The following OR56A3 variants were observed in gnomAD, a reference collection of about 807,000 sequenced individuals.
OR56A3 encodes the protein olfactory receptor family 56 subfamily A member 3, also known as olfactory receptor 56A3.
OR56A3 carries 23 observed loss-of-function variants against 17.5 expected under a neutral mutation model. That is an observed-to-expected ratio of 1.32 (90% confidence interval 0.95 to 1.87). OR56A3 has a LOEUF of 1.87. Among genes scored for constraint, OR56A3 ranks in the 40% most tolerant of loss-of-function variants. The pLI, the probability that OR56A3 is intolerant of heterozygous loss-of-function variation, is 0.00. For missense variants in OR56A3, 366 were observed against 380.1 expected, an observed-to-expected ratio of 0.96 and a Z score of 0.31; for synonymous variants, 175 against 150.6, an observed-to-expected ratio of 1.16 and a Z score of -1.19.
intron 1 of OR56A3, among the ~76,000 whole-genome samples, chr11:5,944,419 CT>C (rs1473667724): frequency 2.0e-5 from 3 of 152,186 alleles, no homozygotes; most frequent in African/African-American, 7.2e-5. Flanking sequence ...AATCTCCAGA[CT>C]GCTGAAAAAC....
chr11:6,008,625 A>G, the OR56A3 span, among the ~76,000 whole-genome samples: 6 of 151,924 alleles, frequency 3.9e-5, no homozygotes, highest in Non-Finnish European at 8.8e-5. Flanking sequence ...CAATTTCCTC[A>G]TCTGAAATAT....
chr11:6,018,323 T>C, the OR56A3 span, among the ~76,000 whole-genome samples: 1 of 152,096 alleles, frequency 6.6e-6, no homozygotes, highest in Non-Finnish European at 1.5e-5. Flanking sequence ...CAAAATAGAA[T>C]ATGTATTGGG....
At chr11:5,961,334 GA>G in the OR56A3 span, among the ~76,000 whole-genome samples, 1 of 152,262 alleles carries the variant, frequency 6.6e-6, no homozygotes, top group African/African-American at 2.4e-5. Flanking sequence ...AAAGGAAGGA[GA>G]GATCAGATTG....
chr11:5,961,608 T>C, the OR56A3 span, among the ~76,000 whole-genome samples: 1 of 152,104 alleles, frequency 6.6e-6, no homozygotes, highest in Non-Finnish European at 1.5e-5. Flanking sequence ...ACACAAACAC[T>C]GAGGAAGGCG....
chr11:5,955,721 T>G (rs1277728818), downstream of OR56A3, among the ~76,000 whole-genome samples: 1 of 152,228 alleles, frequency 6.6e-6, no homozygotes. Context: ...AGATGTACCG[T>G]AGTTCTTGAA....
the OR56A3 span, among the ~76,000 whole-genome samples, chr11:5,982,131 T>G: frequency 6.6e-6 from 1 of 152,172 alleles, no homozygotes; most frequent in East Asian, 1.9e-4. Context: ...AGTCCTCACT[T>G]ACACGTGTGT....
chr11:5,968,466 G>A, the OR56A3 span: 2 of 1,561,156 alleles, frequency 1.3e-6, no homozygotes, highest in Non-Finnish European at 1.7e-6. Context: ...AAAGACTGGG[G>A]AAGTGGAGTT....
the OR56A3 span, among the ~76,000 whole-genome samples, chr11:6,011,695 C>T: frequency 6.6e-6 from 1 of 152,138 alleles, no homozygotes; most frequent in Non-Finnish European, 1.5e-5. Context: ...TCGTTCTGTC[C>T]ATTTGGCCTG....
the OR56A3 span, chr11:5,986,446 A>T: frequency 6.2e-7 from 1 of 1,613,978 alleles, no homozygotes; most frequent in East Asian, 2.2e-5. Context: ...CACCATTCCG[A>T]TGCGCCCTAT....
chr11:6,002,324 A>T, the OR56A3 span: 1 of 1,614,054 alleles, frequency 6.2e-7, no homozygotes, highest in Non-Finnish European at 8.5e-7. Context: ...CTTTCAATAT[A>T]AAAGAATAGG....
the OR56A3 span, among the ~76,000 whole-genome samples, chr11:5,956,955 A>C: frequency 1.3e-5 from 2 of 152,174 alleles, no homozygotes; most frequent in African/African-American, 4.8e-5. Context: ...CAGGAGTTCG[A>C]GACCAGCCTG....
the OR56A3 span, among the ~76,000 whole-genome samples, chr11:5,981,045 G>A: frequency 6.6e-6 from 1 of 152,114 alleles, no homozygotes; most frequent in Non-Finnish European, 1.5e-5. Flanking sequence ...TTAATCTGAT[G>A]GGCTTCCTTT....
chr11:5,998,080 C>T, the OR56A3 span, among the ~76,000 whole-genome samples: 1 of 152,116 alleles, frequency 6.6e-6, no homozygotes, highest in Non-Finnish European at 1.5e-5. Context: ...CTCTGTCTCA[C>T]CTCACAAGTC....
In OR56A3 at chr11:5,947,680, C is replaced by T. The variant is rs1217492014; in HGVS notation, c.334C>T (p.Leu112=). Reference sequence around the variant, plus strand: ...CCAGATGTACATCATGAATTGTTTCCTAGCCATGGAGTCTTGCACATTCAT... The same window carrying T: ...CCAGATGTACATCATGAATTGTTTCTTAGCCATGGAGTCTTGCACATTCAT... The part of the protein sequence containing the change: ...FLQMYIMNCF[L]AMESCTFMVM... Residue 112 remains leucine (L), a synonymous_variant, in exon 3 of 3, where the codon CTA becomes TTA. Coordinates refer to ENST00000641160, the MANE Select transcript of OR56A3 (RefSeq NM_001003443.3). The T allele has an allele frequency of 3.1e-6, 5 of 1,614,188 alleles. No individual in the cohort carries two copies. The Admixed American group carries it at 8.3e-5, about 27-fold the overall frequency.
At chr11:5,951,751 T>C (rs1327148873), downstream of OR56A3, among the ~76,000 whole-genome samples, 1 of 152,190 alleles carries the variant, frequency 6.6e-6, no homozygotes, top group Non-Finnish European at 1.5e-5. Context: ...AAAATACGCA[T>C]TCACACTTAA....
chr11:5,975,652 G>C, the OR56A3 span, among the ~76,000 whole-genome samples: 88 of 152,098 alleles, frequency 5.8e-4, no homozygotes, highest in African/African-American at 1.9e-3. Context: ...ATTGTGAGTA[G>C]TGCCGCAATA....
At chr11:5,964,197 C>G in the OR56A3 span, among the ~76,000 whole-genome samples, 1 of 151,972 alleles carries the variant, frequency 6.6e-6, no homozygotes, top group Non-Finnish European at 1.5e-5. Context: ...TATTTGTTAT[C>G]ACTCAATTTA....
chr11:5,998,218 A>G, the OR56A3 span, among the ~76,000 whole-genome samples: 2 of 152,202 alleles, frequency 1.3e-5, no homozygotes, highest in African/African-American at 4.8e-5. Flanking sequence ...TGGGTTGGGT[A>G]TCAGCTCACC....
chr11:5,991,868 G>T, the OR56A3 span, among the ~76,000 whole-genome samples: 1 of 152,176 alleles, frequency 6.6e-6, no homozygotes, highest in Admixed American at 6.5e-5. Context: ...AGGTCCCAGA[G>T]GACTCATAGA....
Sources: allele counts gnomAD v4.1 joint callset (sites outside exome capture counted in the v4.1 genomes callset), GRCh38; gene constraint gnomAD v4.1.1; transcripts MANE v1.5; gene names NCBI Gene and HGNC (gene_info 2026-07-23, HGNC 2026-07-21).